Variants in DLG1 observed in about 807,000 individuals in gnomAD.
DLG1 encodes disks large homolog 1.
Under a neutral mutation model 123.4 loss-of-function variants are expected in DLG1, and 42 were observed. That is an observed-to-expected ratio of 0.34 (90% CI 0.27 to 0.44). The LOEUF is 0.44. Ranked by LOEUF, DLG1 falls within the 20% of genes least tolerant of loss-of-function variation. The pLI is 1.00. For synonymous variants in DLG1, 317 were observed against 356.2 expected, an observed-to-expected ratio of 0.89 and a Z score of 1.24; for missense variants, 942 against 1,082.6, an observed-to-expected ratio of 0.87 and a Z score of 1.82.
intron 6 of DLG1, among the ~76,000 whole-genome samples, chr3:197,146,332 C>G (rs961159320): frequency 2.0e-5 from 3 of 152,078 alleles, no homozygotes; most frequent in African/African-American, 7.2e-5. Context: ...CAAAAAAGAG[C>G]CTCCACAGAC....
At chr3:197,167,652 C>A (rs933321486) in intron 5 of DLG1, among the ~76,000 whole-genome samples, 1 of 152,124 alleles carries the variant, frequency 6.6e-6, no homozygotes, top group South Asian at 2.1e-4. Context: ...GAAAGTCTAA[C>A]GTTATTTTTA....
intron 10 of DLG1, among the ~76,000 whole-genome samples, chr3:197,135,156 C>T (rs550641763): frequency 9.2e-4 from 140 of 152,316 alleles, no homozygotes; most frequent in Non-Finnish European, 1.7e-3. Flanking sequence ...GATCACACAG[C>T]CAAATAATAC....
At chr3:197,226,601 GCAA>G (rs1186039958) in intron 4 of DLG1, among the ~76,000 whole-genome samples, 1 of 152,008 alleles carries the variant, frequency 6.6e-6, no homozygotes, top group Non-Finnish European at 1.5e-5. Context: ...AACAATTCAA[GCAA>G]CAACAACAAA....
intron 5 of DLG1, among the ~76,000 whole-genome samples, chr3:197,177,091 C>T (rs1807522372): frequency 6.6e-6 from 1 of 151,782 alleles, no homozygotes; most frequent in South Asian, 2.1e-4. Flanking sequence ...TCCAGAAAAA[C>T]AGAAACATAA....
chr3:197,068,656 T>A (rs1467625122), intron 19 of DLG1: 30 of 641,862 alleles, frequency 4.7e-5, no homozygotes, highest in South Asian at 3.6e-4. Context: ...TTTTAAAACA[T>A]CACATGCTTG....
At chr3:197,066,055 T>C (rs1406677207) in intron 20 of DLG1, among the ~76,000 whole-genome samples, 1 of 152,232 alleles carries the variant, frequency 6.6e-6, no homozygotes, top group African/African-American at 2.4e-5. Context: ...ATTTGGTGTT[T>C]TCGCAGATAA....
At chr3:197,259,614 C>T (rs373827739) in intron 4 of DLG1, among the ~76,000 whole-genome samples, 10 of 152,210 alleles carry the variant, frequency 6.6e-5, no homozygotes, top group African/African-American at 2.4e-4. Flanking sequence ...AATGTAAGCA[C>T]GCTGAATCTA....
At chr3:197,078,133 G>A (rs1248578013) in intron 17 of DLG1, among the ~76,000 whole-genome samples, 32 of 120,380 alleles carry the variant, frequency 2.7e-4, no homozygotes, top group Admixed American at 2.2e-3. Context: ...GCAACATGGC[G>A]AAACCCCATC....
chr3:197,202,276 C>T (rs964394306), intron 4 of DLG1, among the ~76,000 whole-genome samples: 2 of 152,168 alleles, frequency 1.3e-5, no homozygotes, highest in African/African-American at 4.8e-5. Flanking sequence ...TGCTGCATTC[C>T]TGAGGAAGAC....
At chr3:197,207,120 G>C (rs28459095) in intron 4 of DLG1, among the ~76,000 whole-genome samples, 134,858 of 152,258 alleles carry the variant, frequency 0.89, 59,947 homozygotes, top group East Asian at 0.94. Context: ...GCCCACAGAG[G>C]CTAAAATATT....
chr3:197,136,683 T>C lies in DLG1; in HGVS notation c.884-5A>G. ...CAGCAATGCTAAACCCAAGACCTGT[T>C]TGGAAAACAGTTCTAGATTCTCATC... On this transcript the variant is annotated splice_polypyrimidine_tract_variant and splice_region_variant and intron_variant, in intron 9 of 24. Transcript: ENST00000667157. 6.3e-7 allele frequency: 1 copy of C among 1,598,688 alleles called. No individual in the cohort carries two copies.
intron 11 of DLG1, among the ~76,000 whole-genome samples, chr3:197,121,577 C>CT (rs959915488): frequency 6.6e-6 from 1 of 151,688 alleles, no homozygotes; most frequent in Admixed American, 6.6e-5. Context: ...CAACAGACTT[C>CT]TTTTTTTTCC....
chr3:197,298,275 G>T (rs1323155956), intron 1 of DLG1: 1 of 373,396 alleles, frequency 2.7e-6, no homozygotes. Flanking sequence ...GGAGGGCAGG[G>T]GAACGGAAGG....
intron 6 of DLG1, among the ~76,000 whole-genome samples, chr3:197,144,383 C>T (rs1211253065): frequency 6.6e-6 from 1 of 152,188 alleles, no homozygotes; most frequent in African/African-American, 2.4e-5. Flanking sequence ...AGCTACACTC[C>T]TAACCAGCAG....
intron 4 of DLG1, among the ~76,000 whole-genome samples, chr3:197,216,003 T>C (rs1733936532): frequency 6.6e-6 from 1 of 152,206 alleles, no homozygotes; most frequent in African/African-American, 2.4e-5. Flanking sequence ...AACCATACTC[T>C]GTCAAACTTT....
intron 14 of DLG1, among the ~76,000 whole-genome samples, chr3:197,098,581 C>T (rs1302912091): frequency 1.3e-5 from 2 of 152,210 alleles, no homozygotes; most frequent in African/African-American, 4.8e-5. Context: ...GTTGCTCAGG[C>T]CGGAGTGCAG....
chr3:197,211,233 T>G (rs902493562), intron 4 of DLG1, among the ~76,000 whole-genome samples: 1 of 145,998 alleles, frequency 6.8e-6, no homozygotes, highest in African/African-American at 2.4e-5. Flanking sequence ...CTGGTACCAT[T>G]TCTACCGAAA....
chr3:197,171,068 C>T (rs1803959849), intron 5 of DLG1, among the ~76,000 whole-genome samples: 1 of 152,086 alleles, frequency 6.6e-6, no homozygotes, highest in African/African-American at 2.4e-5. Context: ...TATTCCTAAT[C>T]TAAGTTCTTT....
At chr3:197,073,218 C>T (rs933000766) in intron 18 of DLG1, among the ~76,000 whole-genome samples, 2 of 152,112 alleles carry the variant, frequency 1.3e-5, no homozygotes, top group Admixed American at 6.5e-5. Flanking sequence ...CACAACTATG[C>T]GTACGTCTTT....
Sources: gnomAD v4.1 joint callset for allele counts (sites outside exome capture counted in the v4.1 genomes callset) on GRCh38, gnomAD v4.1.1 for gene constraint, MANE v1.5 for transcripts, NCBI Gene and HGNC (gene_info 2026-07-23, HGNC 2026-07-21) for gene names.